DENND1B: variants seen among roughly 807,000 people sequenced by gnomAD.
DENND1B encodes DENN domain containing 1B.
Under a neutral mutation model 90.1 loss-of-function variants are expected in DENND1B, and 59 were observed. The observed-to-expected ratio is 0.65, with a 90% CI of 0.53 to 0.81. The LOEUF (loss-of-function observed/expected upper bound fraction) is 0.81. Ranked by LOEUF, DENND1B falls within the 40% of genes least tolerant of loss-of-function variation. DENND1B has a pLI of 0.00. For synonymous variants in DENND1B, 337 were observed against 324.6 expected (o/e 1.04, Z -0.41); for missense variants, 862 against 912.6 (o/e 0.94, Z 0.71).
chr1:197,593,481 G>C (rs1675420850), intron 14 of DENND1B, among the ~76,000 whole-genome samples: 1 of 151,034 alleles, frequency 6.6e-6, no homozygotes, highest in Admixed American at 6.6e-5. Context: ...TATACTCTAA[G>C]ATAAAATTAA....
At chr1:197,634,128 T>C (rs1679570705) in intron 10 of DENND1B, among the ~76,000 whole-genome samples, 1 of 152,232 alleles carries the variant, frequency 6.6e-6, no homozygotes, top group Non-Finnish European at 1.5e-5. Context: ...CACACCCAGA[T>C]AGGGCTTCTT....
chr1:197,624,836 C>A (rs960878439), intron 10 of DENND1B, among the ~76,000 whole-genome samples: 5 of 151,812 alleles, frequency 3.3e-5, no homozygotes, highest in Admixed American at 1.3e-4. Flanking sequence ...GCTGATGGAG[C>A]TGAAAGCCAA....
At chr1:197,517,575 A>T (rs2125604718) in intron 20 of DENND1B, among the ~76,000 whole-genome samples, 1 of 151,990 alleles carries the variant, frequency 6.6e-6, no homozygotes, top group East Asian at 1.9e-4. Flanking sequence ...CCTACCCCAT[A>T]TTGAGTCTCT....
intron 2 of DENND1B, among the ~76,000 whole-genome samples, chr1:197,727,078 T>C (rs934740688): frequency 1.2e-4 from 19 of 152,314 alleles, no homozygotes; most frequent in African/African-American, 4.6e-4. Flanking sequence ...CTTAAACTAA[T>C]AATGGATAAA....
chr1:197,691,923 G>A (rs1657929326), intron 3 of DENND1B, among the ~76,000 whole-genome samples: 1 of 151,858 alleles, frequency 6.6e-6, no homozygotes, highest in Non-Finnish European at 1.5e-5. Context: ...ACTCACAGAA[G>A]CAGAAAGTAG....
chr1:197,755,901 C>G (rs559191360), intron 2 of DENND1B, among the ~76,000 whole-genome samples: 34 of 152,286 alleles, frequency 2.2e-4, no homozygotes, highest in Admixed American at 1.2e-3. Flanking sequence ...AATCATCTCC[C>G]AGCGGGTCCC....
At chr1:197,587,353 A>G (rs950473649) in intron 14 of DENND1B, among the ~76,000 whole-genome samples, 9 of 152,228 alleles carry the variant, frequency 5.9e-5, no homozygotes, top group African/African-American at 1.9e-4. Flanking sequence ...TAATTCTGAC[A>G]TGAGAGAAAA....
chr1:197,657,760 C>A (rs1653996534), intron 6 of DENND1B, among the ~76,000 whole-genome samples: 1 of 151,952 alleles, frequency 6.6e-6, no homozygotes, highest in African/African-American at 2.4e-5. Context: ...GGTATATACC[C>A]AAAAGGATTG....
rs60648023 is a variant in DENND1B, at chr1:197,670,443, CTGTGTG to C, written c.296+1588_296+1593del. Among the ~76,000 whole-genome samples, 20 of 99,564 alleles carry C rather than the reference CTGTGTG, an allele frequency of 2.0e-4. No individual in the cohort carries two copies. In the East Asian group the frequency reaches 2.1e-3, roughly 11 times the overall value. The allele number at this position is 99,564 out of a possible 152,430, so 65.3% of individuals were successfully genotyped here. A position where few individuals can be genotyped will look rare whatever the true frequency, so the allele number is the denominator to read the frequency against. On this transcript the variant is annotated intron_variant, in intron 5 of 22. Coordinates refer to ENST00000620048, the MANE Select transcript of DENND1B (RefSeq NM_001195215.2). Reference sequence around the variant, plus strand: ...AACAACAATAAAGGTGGGGGGAAGACTGTGTGTGTGTGTGTGTGTGTGTGTGTGTGT... The same window carrying C: ...AACAACAATAAAGGTGGGGGGAAGACTGTGTGTGTGTGTGTGTGTGTGTGT...
At chr1:197,593,205 G>T (rs116287422) in intron 14 of DENND1B, among the ~76,000 whole-genome samples, 2 of 151,514 alleles carry the variant, frequency 1.3e-5, no homozygotes, top group African/African-American at 4.8e-5. Context: ...TGCACAAAAA[G>T]AAATAAATCA....
At position 197,658,345 on chromosome 1, in the gene DENND1B, A is replaced by G; in HGVS notation, c.321T>C (p.Tyr107=). The G allele has an allele frequency of 6.2e-7, 1 of 1,608,816 alleles. No homozygotes were observed. The highest frequency in any genetic ancestry group is 8.5e-7 in the Non-Finnish European group (1 of 1,176,718). Residue 107 remains tyrosine, a synonymous_variant, in exon 6 of 23, where the codon TAT becomes TAC. Coordinates refer to ENST00000620048, the MANE Select transcript of DENND1B (RefSeq NM_001195215.2). ...CTGCAAGAGTATTTAGAAGCTTGTA[A>G]TACACTTCAAACCAGGGAAGGTAAC... The part of the protein sequence containing the change: ...ILSYLPWFEV[Y]YKLLNTLADY...
intron 18 of DENND1B, among the ~76,000 whole-genome samples, chr1:197,544,916 GA>G (rs1340171861): frequency 1.9e-4 from 27 of 145,266 alleles, no homozygotes; most frequent in Admixed American, 2.8e-4. Context: ...AAGAAGAAAA[GA>G]AGAAGAAAAG....
intron 13 of DENND1B, among the ~76,000 whole-genome samples, chr1:197,604,239 T>C (rs1676464887): frequency 6.6e-6 from 1 of 150,942 alleles, no homozygotes; most frequent in Non-Finnish European, 1.5e-5. Context: ...AATGATGAAA[T>C]CAAAAAACAA....
intron 6 of DENND1B, among the ~76,000 whole-genome samples, chr1:197,652,821 T>G (rs2125938074): frequency 6.6e-6 from 1 of 152,196 alleles, no homozygotes; most frequent in East Asian, 1.9e-4. Flanking sequence ...GGTCACTACT[T>G]GACCCACAAT....
At chr1:197,536,745 G>A (rs1669934398) in intron 20 of DENND1B, among the ~76,000 whole-genome samples, 1 of 152,020 alleles carries the variant, frequency 6.6e-6, no homozygotes, top group Admixed American at 6.6e-5. Flanking sequence ...TTGCTATTAA[G>A]ATATATACAA....
chr1:197,736,145 TAAAA>T (rs35362999), intron 2 of DENND1B: 6 of 503,026 alleles, frequency 1.2e-5, no homozygotes, highest in African/African-American at 4.2e-5. Context: ...ATATTGGACT[TAAAA>T]AAAAAAAAAG....
chr1:197,691,005 T>C (rs1168128822), intron 3 of DENND1B, among the ~76,000 whole-genome samples: 2 of 151,992 alleles, frequency 1.3e-5, no homozygotes, highest in Non-Finnish European at 2.9e-5. Flanking sequence ...TTTCATGACA[T>C]TGGTCTTCGC....
At chr1:197,511,067 G>T in intron 22 of DENND1B, 95 bp from the exon 23 acceptor site, 1 of 1,223,072 alleles carries the variant, frequency 8.2e-7, no homozygotes. Flanking sequence ...ATAGCGTTAA[G>T]TTCCTCCCAG....
At chr1:197,524,657 G>A (rs10801611) in intron 20 of DENND1B, among the ~76,000 whole-genome samples, 145,057 of 152,168 alleles carry the variant, frequency 0.95, 69,510 homozygotes, top group South Asian at 1. Context: ...GATCTTGAAA[G>A]CTCTAGATCA....
Sources: gnomAD v4.1 joint callset for allele counts (sites outside exome capture counted in the v4.1 genomes callset) on GRCh38, gnomAD v4.1.1 for gene constraint, MANE v1.5 for transcripts, NCBI Gene and HGNC (gene_info 2026-07-23, HGNC 2026-07-21) for gene names.